ENTREP2: variants seen among roughly 807,000 people sequenced by gnomAD.
ENTREP2 encodes protein ENTREP2.
At chr15:29,610,355 C>T in the ENTREP2 span, 1 of 150,456 alleles carries the variant, frequency 6.6e-6, no homozygotes, top group African/African-American at 2.4e-5. Context: ...TCTACAACCT[C>T]CTCTTCAGAA....
the ENTREP2 span, among the ~76,000 whole-genome samples, chr15:29,207,771 C>T: frequency 8.5e-5 from 13 of 152,194 alleles, no homozygotes; most frequent in Admixed American, 7.2e-4. Flanking sequence ...GCACGAGGGA[C>T]TGGGCACCTG....
At chr15:29,158,468 T>G in the ENTREP2 span, among the ~76,000 whole-genome samples, 5 of 148,584 alleles carry the variant, frequency 3.4e-5, no homozygotes, top group Admixed American at 2.7e-4. Flanking sequence ...TGCAGTGGCG[T>G]GATCTCGGCT....
chr15:29,323,850 G>T, the ENTREP2 span, among the ~76,000 whole-genome samples: 1 of 152,160 alleles, frequency 6.6e-6, no homozygotes, highest in African/African-American at 2.4e-5. Context: ...CACAGTTTGA[G>T]AAATTTTTTC....
the ENTREP2 span, among the ~76,000 whole-genome samples, chr15:29,518,049 C>A: frequency 6.6e-6 from 1 of 152,012 alleles, no homozygotes; most frequent in African/African-American, 2.4e-5. Flanking sequence ...CCAGCCTGGG[C>A]AACACAGCAA....
chr15:29,238,424 A>C, the ENTREP2 span, among the ~76,000 whole-genome samples: 3 of 152,148 alleles, frequency 2.0e-5, no homozygotes, highest in African/African-American at 7.2e-5. Context: ...CAAGGTCAGA[A>C]GATTGAGACC....
At chr15:29,529,179 A>G in the ENTREP2 span, among the ~76,000 whole-genome samples, 1 of 2,510 alleles carries the variant, frequency 4.0e-4, no homozygotes, top group East Asian at 6.9e-3. Flanking sequence ...CAAGAGCTGC[A>G]AGTGGCAGAG....
the ENTREP2 span, among the ~76,000 whole-genome samples, chr15:29,364,574 G>C: frequency 6.6e-6 from 1 of 152,144 alleles, no homozygotes; most frequent in African/African-American, 2.4e-5. Flanking sequence ...CCTTCACCCA[G>C]CTGAAAGGCA....
At chr15:29,551,836 C>G in the ENTREP2 span, among the ~76,000 whole-genome samples, 1 of 152,162 alleles carries the variant, frequency 6.6e-6, no homozygotes, top group Non-Finnish European at 1.5e-5. Context: ...AAACAAAACC[C>G]TGAACCATTT....
chr15:29,359,412 T>A, the ENTREP2 span, among the ~76,000 whole-genome samples: 2 of 151,998 alleles, frequency 1.3e-5, no homozygotes, highest in African/African-American at 4.8e-5. Context: ...TTTTTAAAAC[T>A]TCTTTTTTTC....
the ENTREP2 span, among the ~76,000 whole-genome samples, chr15:29,142,033 G>C: frequency 6.1e-3 from 925 of 152,310 alleles, 7 homozygotes; most frequent in African/African-American, 0.021. Flanking sequence ...GCTTTGGAAA[G>C]ACTCAATAAA....
At chr15:29,249,476 G>T in the ENTREP2 span, among the ~76,000 whole-genome samples, 2 of 151,992 alleles carry the variant, frequency 1.3e-5, no homozygotes, top group African/African-American at 2.4e-5. Context: ...AAGACTGGAA[G>T]GACATAATCA....
chr15:29,239,147 A>G, the ENTREP2 span, among the ~76,000 whole-genome samples: 1 of 152,136 alleles, frequency 6.6e-6, no homozygotes, highest in Admixed American at 6.5e-5. Flanking sequence ...AGGAAACCAT[A>G]ATCCTTTCCA....
chr15:29,125,861 G>A, the ENTREP2 span, among the ~76,000 whole-genome samples: 3 of 152,308 alleles, frequency 2.0e-5, no homozygotes, highest in South Asian at 6.2e-4. Context: ...AAGCTGCCTG[G>A]GAAATGCTGC....
chr15:29,619,990 G>GGAC, the ENTREP2 span, among the ~76,000 whole-genome samples: 1 of 152,104 alleles, frequency 6.6e-6, no homozygotes, highest in Non-Finnish European at 1.5e-5. Context: ...CCAGTGAGTG[G>GGAC]TTCTGTGTCT....
the ENTREP2 span, among the ~76,000 whole-genome samples, chr15:29,640,678 A>C: frequency 1.6e-5 from 2 of 122,928 alleles, no homozygotes; most frequent in Non-Finnish European, 1.6e-5. Flanking sequence ...CAAAACAAAA[A>C]AACCAAAAAG....
At chr15:29,390,590 C>T in the ENTREP2 span, among the ~76,000 whole-genome samples, 8 of 152,148 alleles carry the variant, frequency 5.3e-5, no homozygotes, top group African/African-American at 1.9e-4. Flanking sequence ...GACAGAACTT[C>T]CTGCTGTTGA....
At chr15:29,247,485 G>C in the ENTREP2 span, among the ~76,000 whole-genome samples, 3 of 152,158 alleles carry the variant, frequency 2.0e-5, no homozygotes, top group African/African-American at 7.2e-5. Context: ...TATAAAAATA[G>C]ATTATAAAGT....
chr15:29,320,609 T>C, the ENTREP2 span, among the ~76,000 whole-genome samples: 2 of 152,136 alleles, frequency 1.3e-5, no homozygotes, highest in Non-Finnish European at 2.9e-5. Flanking sequence ...GTGATGAATA[T>C]GCTAAGGGCT....
the ENTREP2 span, among the ~76,000 whole-genome samples, chr15:29,471,430 G>C: frequency 6.6e-6 from 1 of 152,224 alleles, no homozygotes; most frequent in Non-Finnish European, 1.5e-5. Context: ...ACAGGTGGCT[G>C]AGAATAGGCA....
Sources: gnomAD v4.1 joint callset for allele counts (sites outside exome capture counted in the v4.1 genomes callset) on GRCh38, gnomAD v4.1.1 for gene constraint, MANE v1.5 for transcripts, NCBI Gene and HGNC (gene_info 2026-07-23, HGNC 2026-07-21) for gene names.